Variants in PEX1 observed in about 807,000 individuals in gnomAD.
PEX1 encodes the protein peroxisomal biogenesis factor 1.
A neutral mutation model predicts 152.5 loss-of-function variants in PEX1; 97 were observed. The observed-to-expected ratio is 0.64, with a 90% CI of 0.54 to 0.75. The LOEUF is 0.75. Among genes scored for constraint, PEX1 ranks in the 30% least tolerant of loss-of-function variants. The pLI is 0.00. For missense variants in PEX1, 1,357 were observed against 1,516.3 expected, an observed-to-expected ratio of 0.89 and a Z score of 1.74; for synonymous variants, 485 against 531.6, an observed-to-expected ratio of 0.91 and a Z score of 1.21.
chr7:92,506,654 G>A (rs373373538), intron 10 of PEX1: 15 of 494,636 alleles, frequency 3.0e-5, no homozygotes, highest in East Asian at 1.5e-4. Flanking sequence ...CCACAACTAC[G>A]TGGTATTTAT....
chr7:92,511,595 G>T lies in PEX1; in HGVS notation c.1468C>A (p.Leu490Met). 1 of 1,610,916 alleles carries T rather than the reference G, an allele frequency of 6.2e-7. No individual in the cohort carries two copies. ...ATGTACTCACCATCTTTAGTTTCCA[G>T]CTTAATAAATTCTTCCTCTGATATT... ...LVISEEEFIK[L>M]ETKDGLKEFS... The change falls in exon 7 of 24, where the codon CTG becomes ATG. Residue 490 changes from leucine (L) to methionine (M), a missense_variant. Physicochemically the swap from Leu to Met is conservative, Grantham distance 15. Transcript: ENST00000248633.
rs138905930 is a variant in PEX1 at position 92,517,438 on chromosome 7, C to T, written c.1077G>A (p.Lys359=). ...KQNVLSPEKE[K]QMSEPLDQKK... is the part of the protein sequence containing the mutation. ...TTTGATCTAGTGGCTCTGACATCTG[C>T]TTCTCTTTTTCAGGTGATAACACAT... The change falls in exon 5 of 24, where the codon AAG becomes AAA. Residue 359 remains lysine, a synonymous_variant. Transcript: ENST00000248633. The T allele has an allele frequency of 2.6e-4, 416 of 1,613,888 alleles. 2 individuals are homozygous for T. In the African/African-American group the frequency reaches 4.6e-3, roughly 18 times the overall value.
chr7:92,501,297 CAG>C (rs1304102809), intron 15 of PEX1, among the ~76,000 whole-genome samples: 37 of 152,122 alleles, frequency 2.4e-4, no homozygotes, highest in Non-Finnish European at 3.8e-4. Flanking sequence ...GCCTAGATGA[CAG>C]AGTGAGGTCT....
In PEX1 at chr7:92,517,780, T is replaced by A; in HGVS notation, c.735A>T (p.Leu245Phe). ...AAAAAATGCTTCCTATCATAGTCCA[T>A]AAACTTGCTACTGATGATGAGTCAA... ...IPVDSSSVASLWTMIGSIFSF... is the reference protein window; with the variant it reads ...IPVDSSSVASFWTMIGSIFSF... The change falls in exon 5 of 24, where the codon TTA (leucine) becomes TTT (phenylalanine). Residue 245 changes from leucine (L) to phenylalanine (F), a missense_variant. Transcript: ENST00000248633. 1 of 1,578,468 alleles carries A rather than the reference T, an allele frequency of 6.3e-7. No individual in the cohort carries two copies. Among genetic ancestry groups the A allele is most frequent in the Non-Finnish European group, 8.6e-7 (1 of 1,164,558 alleles).
In PEX1 at chr7:92,487,313, A is replaced by G. The variant is rs1790973175; in HGVS notation, c.*144T>C. 6 of 569,250 alleles carry G rather than the reference A, an allele frequency of 1.1e-5. No individual in the cohort carries two copies. The allele number at this position is 569,250 out of a possible 1,614,324, so 35.3% of individuals were successfully genotyped here. ...TCTCAATCCTGATCATTACATAATT[A>G]TAGCATTTACCAATCTGTGATTTTA... On this transcript the variant is annotated 3_prime_UTR_variant, in exon 24 of 24. Coordinates refer to ENST00000248633, the MANE Select transcript of PEX1 (RefSeq NM_000466.3).
intron 17 of PEX1, among the ~76,000 whole-genome samples, 169 bp from the exon 18 acceptor site, chr7:92,494,798 TA>T (rs1201421761): frequency 2.0e-5 from 3 of 151,202 alleles, no homozygotes; most frequent in African/African-American, 7.3e-5. Context: ...TAATTACATA[TA>T]AATACATATA....
intron 6 of PEX1, among the ~76,000 whole-genome samples, chr7:92,513,461 A>T (rs1208324030): frequency 6.6e-6 from 1 of 152,070 alleles, no homozygotes; most frequent in Non-Finnish European, 1.5e-5. Context: ...ACATAAGACA[A>T]ATGCATACTT....
chr7:92,487,694 T>G (rs1021183506), intron 23 of PEX1, among the ~76,000 whole-genome samples, 153 bp from the exon 24 acceptor site: 3 of 152,084 alleles, frequency 2.0e-5, no homozygotes, highest in African/African-American at 7.2e-5. Flanking sequence ...TTAAAAAGAA[T>G]TCTTACAAAT....
chr7:92,518,138 T>C lies in PEX1; in HGVS notation c.472+3A>G. Reference sequence around the variant, plus strand: ...TGACAGCAAATATTACAATAGCACCTACCAATTTGGATAAATATGTACGTT... The same window carrying C: ...TGACAGCAAATATTACAATAGCACCCACCAATTTGGATAAATATGTACGTT... On this transcript the variant is annotated splice_donor_region_variant and intron_variant, in intron 4 of 23. Coordinates refer to ENST00000248633, the MANE Select transcript of PEX1 (RefSeq NM_000466.3). 1.2e-6 allele frequency: 2 copies of C among 1,607,530 alleles called. No homozygotes were observed. Among genetic ancestry groups the C allele is most frequent in the Non-Finnish European group, 1.7e-6 (2 of 1,174,048 alleles).
chr7:92,512,126 G>A (rs954233002), intron 6 of PEX1, among the ~76,000 whole-genome samples: 7 of 151,600 alleles, frequency 4.6e-5, no homozygotes, highest in Non-Finnish European at 1.0e-4. Context: ...TCTGCCTCCC[G>A]GGTTCAAGCG....
At chr7:92,503,304 G>C in intron 12 of PEX1, 109 bp from the exon 13 acceptor site, 2 of 869,710 alleles carry the variant, frequency 2.3e-6, no homozygotes, top group Admixed American at 4.1e-5. Flanking sequence ...TTAAGGTGCA[G>C]TATGTATGGT....
At chr7:92,511,263 TA>T (rs1011321199) in intron 7 of PEX1, among the ~76,000 whole-genome samples, 18 of 152,098 alleles carry the variant, frequency 1.2e-4, no homozygotes, top group Admixed American at 2.0e-4. Context: ...TAGCTGGGAC[TA>T]CAGGCATACA....
At chr7:92,496,213 C>T (rs1562849664) in intron 17 of PEX1, among the ~76,000 whole-genome samples, 1 of 152,032 alleles carries the variant, frequency 6.6e-6, no homozygotes, top group Non-Finnish European at 1.5e-5. Flanking sequence ...TATTTTAAAA[C>T]TCCCCATAAT....
In PEX1 at chr7:92,517,275, C is replaced by A. The variant is rs756876301; in HGVS notation, c.1239+1G>T. 33 of 1,611,686 alleles carry A rather than the reference C, an allele frequency of 2.0e-5. No individual in the cohort carries two copies. The highest frequency in any genetic ancestry group is 5.0e-5 in the Admixed American group (3 of 59,982). On this transcript the variant is annotated splice_donor_variant, in intron 5 of 23. Transcript: ENST00000248633. LOFTEE classifies it high-confidence loss of function. ...TCCCAAGTTATAAAATTTATACTAA[C>A]CCAGACTTTCCCAAGATGGAGAACT...
chr7:92,496,689 TA>T, intron 17 of PEX1, 23 bp downstream of exon 17: 1 of 1,514,954 alleles, frequency 6.6e-7, no homozygotes, highest in Non-Finnish European at 9.2e-7. Flanking sequence ...TCAGTTACTT[TA>T]AAAACATTCA....
At chr7:92,525,738 T>C (rs1793236823) in intron 1 of PEX1, among the ~76,000 whole-genome samples, 1 of 152,174 alleles carries the variant, frequency 6.6e-6, no homozygotes. Context: ...AAGCATCTAC[T>C]GGGTAGTCAG....
In PEX1 at chr7:92,506,354, A is replaced by C; in HGVS notation, c.1804-10T>G. The C allele has an allele frequency of 6.5e-7, 1 of 1,541,978 alleles. No individual in the cohort carries two copies. Among genetic ancestry groups the C allele is most frequent in the Non-Finnish European group, 9.0e-7 (1 of 1,114,556 alleles). ...TTGATTTTCCACTTCCCTAGAAAAT[A>C]ATTGCTTTATAGGAATTCCCAATAT... On this transcript the variant is annotated splice_polypyrimidine_tract_variant and intron_variant, in intron 10 of 23. Coordinates refer to ENST00000248633, the MANE Select transcript of PEX1 (RefSeq NM_000466.3).
At position 92,489,166 on chromosome 7, in the gene PEX1, T is replaced by C. The variant is rs116367709; in HGVS notation, c.3767+127A>G. 7.9e-4 allele frequency: 701 copies of C among 885,876 alleles called. 6 individuals carry two copies. The African/African-American group carries it at 0.011, about 14-fold the overall frequency. The allele number at this position is 885,876 out of a possible 1,614,324, so 54.9% of individuals were successfully genotyped here. A position where few individuals can be genotyped will look rare whatever the true frequency, so the allele number is the denominator to read the frequency against. ...TTTTTTAATGCATAGCTACGACACA[T>C]ATTTTTTGAATTAGCTTTTAAATAT... On this transcript the variant is annotated intron_variant, in intron 23 of 23. Transcript: ENST00000248633.
chr7:92,489,476 A>G, intron 22 of PEX1, 53 bp from the exon 23 acceptor site: 1 of 1,493,584 alleles, frequency 6.7e-7, no homozygotes, highest in South Asian at 1.2e-5. Flanking sequence ...GTAAAAAAAA[A>G]TGTGGTAGTC....
Sources: allele counts gnomAD v4.1 joint callset (sites outside exome capture counted in the v4.1 genomes callset), GRCh38; gene constraint gnomAD v4.1.1; transcripts MANE v1.5; gene names NCBI Gene and HGNC (gene_info 2026-07-23, HGNC 2026-07-21).